Variants in KCNA7 observed in about 807,000 individuals in gnomAD.
The protein encoded by KCNA7 is potassium voltage-gated channel subfamily A member 7.
In KCNA7, 15 loss-of-function variants were observed where a neutral mutation model predicts 21.5. The observed-to-expected ratio is 0.70, with a 90% CI of 0.47 to 1.07. The LOEUF is 1.07. Among genes scored for constraint, KCNA7 ranks in the 50% least tolerant of loss-of-function variants. KCNA7 has a pLI of 0.00. For synonymous variants in KCNA7, 298 were observed against 291.0 expected, an observed-to-expected ratio of 1.02 and a Z score of -0.24; for missense variants, 640 against 651.6, an observed-to-expected ratio of 0.98 and a Z score of 0.19.
chr19:49,070,143 C>T lies in KCNA7; in HGVS notation c.1291G>A (p.Gly431Arg). ...TCAGGTACCTCCCCGTCCACCAGCCCCCCATTGGCCTTGCCCTCCAGTGGG... is the reference window on the plus strand; with the variant it reads ...TCAGGTACCTCCCCGTCCACCAGCCTCCCATTGGCCTTGCCCTCCAGTGGG... ...CGPLEGKANG[G>R]LVDGEVPELP... The change falls in exon 2 of 2, where the codon GGG becomes AGG. Residue 431 changes from glycine (G) to arginine (R), a missense_variant. By Grantham distance (125) the Gly-to-Arg change is moderately radical (BLOSUM62 -2). Transcript: ENST00000221444. The surrounding 1 kb of genome is among the most constrained non-coding windows in gnomAD (Gnocchi z 4.3). 2 of 1,613,852 alleles carry T rather than the reference C, an allele frequency of 1.2e-6. No individual in the cohort carries two copies. The highest frequency in any genetic ancestry group is 1.1e-5 in the South Asian group (1 of 91,068).
rs1185904019 is a variant in KCNA7, at chr19:49,070,670, A to C, written c.764T>G (p.Val255Gly). ...IDFVAILPYFVALGTELARQR... is the reference protein window; with the variant it reads ...IDFVAILPYFGALGTELARQR... ...CCGGGCCAGCTCGGTGCCCAGTGCC[A>C]CAAAGTAGGGAAGGATAGCCACAAA... The change falls in exon 2 of 2, where the codon GTG becomes GGG. Residue 255 changes from valine to glycine, a missense_variant. Coordinates refer to ENST00000221444, the MANE Select transcript of KCNA7 (RefSeq NM_031886.3). The surrounding 1 kb of genome is among the most constrained non-coding windows in gnomAD (Gnocchi z 4.3). 2 of 1,614,178 alleles carry C rather than the reference A, an allele frequency of 1.2e-6. No homozygotes were observed. The highest frequency in any genetic ancestry group is 3.3e-5 in the Admixed American group (2 of 60,026).
At position 49,072,525 on chromosome 19, in the gene KCNA7, C is replaced by T; in HGVS notation, c.61G>A (p.Gly21Arg). The change falls in exon 1 of 2, where the codon GGG (glycine) becomes AGG (arginine). Residue 21 changes from glycine (G) to arginine (R), a missense_variant. Transcript: ENST00000221444. ...CCERLVLNVA[G>R]LRFETRARTL... ...CGCGCCCGCGTCTCGAAGCGCAGCC[C>T]GGCCACGTTGAGCACCAGCCGCTCG... The T allele has an allele frequency of 2.7e-6, 4 of 1,461,038 alleles. No individual in the cohort carries two copies. Among genetic ancestry groups the T allele is most frequent in the South Asian group, 1.3e-5 (1 of 75,694 alleles). 90.5% of individuals were successfully genotyped at this position (1,461,038 alleles called of 1,614,324 possible).
In KCNA7 at chr19:49,072,145, T is replaced by A. The variant is rs1163559236; in HGVS notation, c.441A>T (p.Val147=). 6.2e-7 allele frequency: 1 copy of A among 1,612,206 alleles called. No individual in the cohort carries two copies. Among genetic ancestry groups the A allele is most frequent in the African/African-American group, 1.3e-5 (1 of 74,914 alleles). Reference sequence around the variant, plus strand: ...AGACGAGGATGACCAGCACGGAGACTACGGCGAGCACGCGCGCGGCCTGAG... The same window carrying A: ...AGACGAGGATGACCAGCACGGAGACAACGGCGAGCACGCGCGCGGCCTGAG... The part of the protein sequence containing the change: ...ESSQAARVLA[V]VSVLVILVSI... Residue 147 remains valine (V), a synonymous_variant, in exon 1 of 2, where the codon GTA becomes GTT. Coordinates refer to ENST00000221444, the MANE Select transcript of KCNA7 (RefSeq NM_031886.3).
chr19:49,071,968 C>T (rs2040260559), intron 1 of KCNA7, 63 bp downstream of exon 1: 24 of 1,487,482 alleles, frequency 1.6e-5, no homozygotes, highest in Admixed American at 4.0e-5. Context: ...GGCCAGGTCC[C>T]CTCTGGACCC....
In KCNA7 at chr19:49,070,945, C is replaced by G. The variant is rs766058888; in HGVS notation, c.556-67G>C. 7 of 1,321,664 alleles carry G rather than the reference C, an allele frequency of 5.3e-6. No individual in the cohort carries two copies. The highest frequency in any genetic ancestry group is 7.3e-6 in the Non-Finnish European group (7 of 963,742). The allele number at this position is 1,321,664 out of a possible 1,614,324, so 81.9% of individuals were successfully genotyped here. A position where few individuals can be genotyped will look rare whatever the true frequency, so the allele number is the denominator to read the frequency against. Reference sequence around the variant, plus strand: ...AGGACACGGGGACAGCCTTAATCATCATTTAAATACCCAGCTCCTCTTTAC... The same window carrying G: ...AGGACACGGGGACAGCCTTAATCATGATTTAAATACCCAGCTCCTCTTTAC... On this transcript the variant is annotated intron_variant, in intron 1 of 1. Coordinates refer to ENST00000221444, the MANE Select transcript of KCNA7 (RefSeq NM_031886.3). The surrounding 1 kb of genome is among the most constrained non-coding windows in gnomAD (Gnocchi z 4.3).
chr19:49,070,889 G>A lies in KCNA7; in HGVS notation c.556-11C>T. 1.9e-6 allele frequency: 3 copies of A among 1,605,758 alleles called. No individual in the cohort carries two copies. The highest frequency in any genetic ancestry group is 1.1e-5 in the South Asian group (1 of 89,962). On this transcript the variant is annotated splice_polypyrimidine_tract_variant and intron_variant, in intron 1 of 1. Coordinates refer to ENST00000221444, the MANE Select transcript of KCNA7 (RefSeq NM_031886.3). The surrounding 1 kb of genome is among the most constrained non-coding windows in gnomAD (Gnocchi z 4.3). Reference sequence around the variant, plus strand: ...CAGCGGAGCGGGGAACTGCAGGGAGGAAAGTGTTCAGGGAGGGTCAGGCTG... The same window carrying A: ...CAGCGGAGCGGGGAACTGCAGGGAGAAAAGTGTTCAGGGAGGGTCAGGCTG...
rs1600256659 is a variant in KCNA7, at chr19:49,070,165, T to G, written c.1269A>C (p.Pro423=). The G allele has an allele frequency of 6.2e-7, 1 of 1,614,140 alleles. No homozygotes were observed. Among genetic ancestry groups the G allele is most frequent in the African/African-American group, 1.3e-5 (1 of 75,042 alleles). The part of the protein sequence containing the change: ...FSHVDMQPCG[P]LEGKANGGLV... ...GCCCCCCATTGGCCTTGCCCTCCAGTGGGCCACAAGGCTGCATGTCCACAT... is the reference window on the plus strand; with the variant it reads ...GCCCCCCATTGGCCTTGCCCTCCAGGGGGCCACAAGGCTGCATGTCCACAT... The change falls in exon 2 of 2, where the codon CCA becomes CCC. Residue 423 remains proline (P), a synonymous_variant. Coordinates refer to ENST00000221444, the MANE Select transcript of KCNA7 (RefSeq NM_031886.3). The surrounding 1 kb of genome is among the most constrained non-coding windows in gnomAD (Gnocchi z 4.3).
rs1600257950 is a variant in KCNA7, at chr19:49,072,015, A to G, written c.555+16T>C. On this transcript the variant is annotated intron_variant, in intron 1 of 1. Coordinates refer to ENST00000221444, the MANE Select transcript of KCNA7 (RefSeq NM_031886.3). ...TCCCAAACCCCGCCCGTCTCCACCCACGCCCCGCCTCTCACCGGGCCGGCT... is the reference window on the plus strand; with the variant it reads ...TCCCAAACCCCGCCCGTCTCCACCCGCGCCCCGCCTCTCACCGGGCCGGCT... 1 of 1,551,008 alleles carries G rather than the reference A, an allele frequency of 6.4e-7. No individual in the cohort carries two copies. Among genetic ancestry groups the G allele is most frequent in the Admixed American group, 1.9e-5 (1 of 53,828 alleles).
rs555004534 is a variant in KCNA7, at chr19:49,067,628, C to T, written c.*2435G>A. On this transcript the variant is annotated 3_prime_UTR_variant, in exon 2 of 2. Transcript: ENST00000221444. Reference sequence around the variant, plus strand: ...ACGGGACTCAGGAGGACCCGTGTGTCCCAGCAGGCTGATGGGGACATGTGA... The same window carrying T: ...ACGGGACTCAGGAGGACCCGTGTGTTCCAGCAGGCTGATGGGGACATGTGA... 1 of 152,304 alleles carries T rather than the reference C, an allele frequency of 6.6e-6. No homozygotes were observed. The highest frequency in any genetic ancestry group is 2.4e-5 in the African/African-American group (1 of 41,558). 9.4% of individuals were successfully genotyped at this position (152,304 alleles called of 1,614,324 possible). A position where few individuals can be genotyped will look rare whatever the true frequency, so the allele number is the denominator to read the frequency against.
Position 49,070,908 on chromosome 19 carries a change from C to G in KCNA7, c.556-30G>C. 1 of 1,575,894 alleles carries G rather than the reference C, an allele frequency of 6.3e-7. No homozygotes were observed. Among genetic ancestry groups the G allele is most frequent in the Non-Finnish European group, 8.6e-7 (1 of 1,156,256 alleles). On this transcript the variant is annotated intron_variant, in intron 1 of 1. Coordinates refer to ENST00000221444, the MANE Select transcript of KCNA7 (RefSeq NM_031886.3). The surrounding 1 kb of genome is among the most constrained non-coding windows in gnomAD (Gnocchi z 4.3). The stretch of plus-strand genomic sequence containing the variant: ...AGGGAGGAAAGTGTTCAGGGAGGGT[C>G]AGGCTGGGGCTAGGACACGGGGACA...
rs1324270897 is a variant in KCNA7 at position 49,069,351 on chromosome 19, G to A, written c.*712C>T. The A allele has an allele frequency of 6.6e-6, 1 of 152,104 alleles. No individual in the cohort carries two copies. 9.4% of individuals were successfully genotyped at this position (152,104 alleles called of 1,614,324 possible). The stretch of plus-strand genomic sequence containing the variant: ...ACAATTCAACACAACTCAACTCGCT[G>A]TGGCCACGAAAAATGTCCAGCCACA... On this transcript the variant is annotated 3_prime_UTR_variant, in exon 2 of 2. Coordinates refer to ENST00000221444, the MANE Select transcript of KCNA7 (RefSeq NM_031886.3).
Position 49,072,533 on chromosome 19 carries a change from T to A in KCNA7, c.53A>T (p.Asn18Ile), listed in dbSNP as rs988188254. The A allele has an allele frequency of 6.9e-7, 1 of 1,441,526 alleles. No homozygotes were observed. The highest frequency in any genetic ancestry group is 9.0e-7 in the Non-Finnish European group (1 of 1,105,118). The allele number at this position is 1,441,526 out of a possible 1,614,324, so 89.3% of individuals were successfully genotyped here. ...PCGCCERLVL[N>I]VAGLRFETRA... ...CGTCTCGAAGCGCAGCCCGGCCACGTTGAGCACCAGCCGCTCGCAGCAGCC... is the reference window on the plus strand; with the variant it reads ...CGTCTCGAAGCGCAGCCCGGCCACGATGAGCACCAGCCGCTCGCAGCAGCC... The change falls in exon 1 of 2, where the codon AAC (asparagine) becomes ATC (isoleucine). Residue 18 changes from asparagine (N) to isoleucine (I), a missense_variant. By Grantham distance (149) the Asn-to-Ile change is moderately radical (BLOSUM62 -3). Transcript: ENST00000221444.
rs1324188517 is a variant in KCNA7 at position 49,070,556 on chromosome 19, C to T, written c.878G>A (p.Arg293Gln). The T allele has an allele frequency of 1.2e-6, 2 of 1,614,164 alleles. No homozygotes were observed. The highest frequency in any genetic ancestry group is 1.7e-5 in the Admixed American group (1 of 60,022). The change falls in exon 2 of 2, where the codon CGG becomes CAG. Residue 293 changes from arginine to glutamine, a missense_variant. By Grantham distance (43) the Arg-to-Gln change is conservative (BLOSUM62 1). Transcript: ENST00000221444. This position sits in a 1 kb window ranked among gnomAD's most constrained non-coding sequence, Gnocchi z 4.3. ...CAAGATTTGCAGGCCCTTTGAGTGC[C>T]GGGACAGCTTGAAGATGCGGAAGAC... ...VRVFRIFKLS[R>Q]HSKGLQILGQ...
At position 49,070,841 on chromosome 19, in the gene KCNA7, C is replaced by T; in HGVS notation, c.593G>A (p.Gly198Glu). The change falls in exon 2 of 2, where the codon GGA becomes GAA. Residue 198 changes from glycine to glutamate, a missense_variant. Transcript: ENST00000221444. This position sits in a 1 kb window ranked among gnomAD's most constrained non-coding sequence, Gnocchi z 4.3. ...ATTGAAGGGCAGGCGGGGTGGATTT[C>T]CAGGCATTTGGCTGGAGCCATTCAG... ...APLNGSSQMP[G>E]NPPRLPFNDP... 1.2e-6 allele frequency: 2 copies of T among 1,614,072 alleles called. No homozygotes were observed. Among genetic ancestry groups the T allele is most frequent in the Non-Finnish European group, 1.7e-6 (2 of 1,179,962 alleles).
At chr19:49,071,651 T>C (rs947061051) in intron 1 of KCNA7, among the ~76,000 whole-genome samples, 2 of 152,048 alleles carry the variant, frequency 1.3e-5, no homozygotes, top group African/African-American at 4.8e-5. Flanking sequence ...AGATTCCTCC[T>C]ACTGTCGCCC....
In KCNA7 at chr19:49,072,238, G is replaced by C; in HGVS notation, c.348C>G (p.Pro116=). 1.3e-6 allele frequency: 2 copies of C among 1,589,268 alleles called. No individual in the cohort carries two copies. Among genetic ancestry groups the C allele is most frequent in the Non-Finnish European group, 1.7e-6 (2 of 1,168,590 alleles). ...AGGCGCGGCGGGGCAGGGGGCGCTCGGGCGGCACCGGGCAGCCCTCGTCCT... is the reference window on the plus strand; with the variant it reads ...AGGCGCGGCGGGGCAGGGGGCGCTCCGGCGGCACCGGGCAGCCCTCGTCCT... ...LREDEGCPVP[P]ERPLPRRAFA... The change falls in exon 1 of 2, where the codon CCC becomes CCG. Residue 116 remains proline (P), a synonymous_variant. Coordinates refer to ENST00000221444, the MANE Select transcript of KCNA7 (RefSeq NM_031886.3).
In KCNA7 at chr19:49,072,189, A is replaced by C. The variant is rs920250701; in HGVS notation, c.397T>G (p.Phe133Val). ...GCCTGAGAGCTCTCGGGAAACTCGA[A>C]AAGCAGCCACAGCTGGCGGGCGAAG... ...RAFARQLWLL[F>V]EFPESSQAAR... Residue 133 changes from phenylalanine to valine, a missense_variant, in exon 1 of 2, where the codon TTC becomes GTC. Transcript: ENST00000221444. 6 of 1,611,338 alleles carry C rather than the reference A, an allele frequency of 3.7e-6. No homozygotes were observed. The highest frequency in any genetic ancestry group is 5.1e-6 in the Non-Finnish European group (6 of 1,179,430).
At position 49,070,366 on chromosome 19, in the gene KCNA7, C is replaced by A; in HGVS notation, c.1068G>T (p.Met356Ile). 7 of 1,614,160 alleles carry A rather than the reference C, an allele frequency of 4.3e-6. No individual in the cohort carries two copies. The highest frequency in any genetic ancestry group is 5.9e-6 in the Non-Finnish European group (7 of 1,180,032). ...CCATGTCTCCATAGCCAACTGTAGT[C>A]ATGGTGACTACCGCCCACCAGAAGG... ...PESFWWAVVTMTTVGYGDMAP... is the reference protein window; with the variant it reads ...PESFWWAVVTITTVGYGDMAP... The change falls in exon 2 of 2, where the codon ATG (methionine) becomes ATT (isoleucine). Residue 356 changes from methionine (M) to isoleucine (I), a missense_variant. Transcript: ENST00000221444. This position sits in a 1 kb window ranked among gnomAD's most constrained non-coding sequence, Gnocchi z 4.3.
chr19:49,072,262 CTCGCG>C lies in KCNA7; in HGVS notation c.319_323del (p.Arg107GlyfsTer59). 6.3e-7 allele frequency: 1 copy of C among 1,587,268 alleles called. No individual in the cohort carries two copies. On this transcript the variant is annotated frameshift_variant, in exon 1 of 2. Transcript: ENST00000221444. LOFTEE classifies it high-confidence loss of function. ...CGGGCGGCACCGGGCAGCCCTCGTC[CTCGCG>C]CAGGCGTGCCAGGGCCGCCGCGCCC... is the stretch of plus-strand genomic sequence containing the variant.
Sources: gnomAD v4.1 joint callset for allele counts (sites outside exome capture counted in the v4.1 genomes callset) on GRCh38, gnomAD v4.1.1 for gene constraint, Gnocchi (gnomAD v3.1) non-coding constraint, MANE v1.5 for transcripts, NCBI Gene and HGNC (gene_info 2026-07-23, HGNC 2026-07-21) for gene names.